VIL1: variants seen among roughly 807,000 people sequenced by gnomAD.
VIL1 encodes the protein villin 1, also known as villin-1.
VIL1 carries 86 observed loss-of-function variants against 104.0 expected under a neutral mutation model. The ratio of observed to expected loss-of-function variants is 0.83; its 90% confidence interval spans 0.69 to 0.99. The LOEUF (loss-of-function observed/expected upper bound fraction) is 0.99. Ranked by LOEUF, VIL1 falls within the 50% of genes least tolerant of loss-of-function variation. The pLI, the probability that VIL1 is intolerant of heterozygous loss-of-function variation, is 0.00. For missense variants in VIL1, 944 were observed against 1,054.1 expected (o/e 0.90, Z 1.45); for synonymous variants, 394 against 412.6 (o/e 0.95, Z 0.55).
chr2:218,429,857 C>T lies in VIL1; in HGVS notation c.858C>T (p.Tyr286=), dbSNP rs1559146925. 1 of 1,613,578 alleles carries T rather than the reference C, an allele frequency of 6.2e-7. No homozygotes were observed. Among genetic ancestry groups the T allele is most frequent in the Non-Finnish European group, 8.5e-7 (1 of 1,179,856 alleles). The change falls in exon 9 of 20, where the codon TAC becomes TAT. Residue 286 remains tyrosine, a synonymous_variant. Transcript: ENST00000248444. ...ACCTCTCCCGACTCTAGGACTGTTA[C>T]ATCCTGGACCAGGGGGGCCTGAAGA... The part of the protein sequence containing the change: ...TQDLLSHEDC[Y]ILDQGGLKIY...
chr2:218,429,798 C>T (rs781617721), intron 8 of VIL1, 51 bp from the exon 9 acceptor site: 3 of 1,592,600 alleles, frequency 1.9e-6, no homozygotes, highest in Non-Finnish European at 2.6e-6. Context: ...GTGAGGCTTT[C>T]CCAGTCCAGC....
intron 13 of VIL1, 56 bp from the exon 14 acceptor site, chr2:218,434,470 C>A (rs1463419050): frequency 1.9e-6 from 3 of 1,542,844 alleles, no homozygotes; most frequent in Non-Finnish European, 2.6e-6. Context: ...TCCCCATCAT[C>A]TTCTTTACTA....
At position 218,438,702 on chromosome 2, in the gene VIL1, T is replaced by C. The variant is rs1272571891; in HGVS notation, c.2205T>C (p.Ser735=). 2 of 1,612,506 alleles carry C rather than the reference T, an allele frequency of 1.2e-6. No individual in the cohort carries two copies. The highest frequency in any genetic ancestry group is 1.7e-5 in the Admixed American group (1 of 59,816). The part of the protein sequence containing the change: ...YEDLKAELGN[S]RDWSQITAEV... ...ACCTGAAGGCGGAGCTTGGCAACTC[T>C]AGGGACTGGAGCCAGATCACTGCTG... is the stretch of plus-strand genomic sequence containing the variant. The change falls in exon 18 of 20, where the codon TCT becomes TCC. Residue 735 remains serine, a synonymous_variant. Coordinates refer to ENST00000248444, the MANE Select transcript of VIL1 (RefSeq NM_007127.3).
intron 1 of VIL1, among the ~76,000 whole-genome samples, chr2:218,419,977 G>A (rs1416058341): frequency 6.6e-6 from 1 of 152,174 alleles, no homozygotes; most frequent in Non-Finnish European, 1.5e-5. Flanking sequence ...ATGAGCCTGG[G>A]AAGCAGGAGG....
intron 6 of VIL1, among the ~76,000 whole-genome samples, chr2:218,428,929 C>T (rs1408277703): frequency 6.6e-6 from 1 of 152,240 alleles, no homozygotes; most frequent in Non-Finnish European, 1.5e-5. Flanking sequence ...CTCGGCCTCC[C>T]AGAGTGTTGG....
chr2:218,429,537 G>A (rs1350964043), intron 7 of VIL1, 50 bp downstream of exon 7: 3 of 1,613,550 alleles, frequency 1.9e-6, no homozygotes, highest in South Asian at 1.1e-5. Flanking sequence ...CCTGGGAGAA[G>A]GTGCCCTGGC....
intron 4 of VIL1, 149 bp downstream of exon 4, chr2:218,425,960 G>A: frequency 2.4e-6 from 2 of 846,450 alleles, no homozygotes; most frequent in Non-Finnish European, 3.5e-6. Context: ...GGGCGGGGAA[G>A]GGACCCTGAA....
At position 218,436,603 on chromosome 2, in the gene VIL1, T is replaced by C. The variant is rs745454686; in HGVS notation, c.1948T>C (p.Phe650Leu). The change falls in exon 16 of 20, where the codon TTC (phenylalanine) becomes CTC (leucine). Residue 650 changes from phenylalanine to leucine, a missense_variant. Transcript: ENST00000248444. ...GGATGACTTGGAAGAGGATGATGTG[T>C]TCCTACTAGATGTCTGGGACCAGGT... is the stretch of plus-strand genomic sequence containing the variant. ...NQDDLEEDDV[F>L]LLDVWDQVFF... 1.2e-6 allele frequency: 2 copies of C among 1,614,020 alleles called. No individual in the cohort carries two copies. The highest frequency in any genetic ancestry group is 1.7e-6 in the Non-Finnish European group (2 of 1,180,002).
Position 218,423,222 on chromosome 2 carries a change from C to CA in VIL1, c.-11-546_-11-545insA, listed in dbSNP as rs1295406378. Among the ~76,000 whole-genome samples the CA allele has an allele frequency of 4.6e-5, 7 of 152,228 alleles. No individual in the cohort carries two copies. In the East Asian group the frequency reaches 1.4e-3, roughly 29 times the overall value. ...ACCAGCCTGGCCCACATGGGGAAAC[C>CA]CTGTCTCTACTAAAAATACAAAATT... On this transcript the variant is annotated intron_variant, in intron 1 of 19. Coordinates refer to ENST00000248444, the MANE Select transcript of VIL1 (RefSeq NM_007127.3).
At position 218,428,046 on chromosome 2, in the gene VIL1, G is replaced by C; in HGVS notation, c.429G>C (p.Lys143Asn). Residue 143 changes from lysine (K) to asparagine (N), a missense_variant, in exon 5 of 20, where the codon AAG becomes AAC. Coordinates refer to ENST00000248444, the MANE Select transcript of VIL1 (RefSeq NM_007127.3). ...ACGTCCAGAGGCTGCTGCATGTCAA[G>C]GGCAAGAGGAACGTGGTAGCTGGAG... ...SYDVQRLLHV[K>N]GKRNVVAGEV... The C allele has an allele frequency of 1.2e-6, 2 of 1,614,164 alleles. No homozygotes were observed. Among genetic ancestry groups the C allele is most frequent in the Non-Finnish European group, 1.7e-6 (2 of 1,180,026 alleles).
intron 19 of VIL1, among the ~76,000 whole-genome samples, chr2:218,445,891 T>C (rs911092436): frequency 6.6e-6 from 1 of 152,218 alleles, no homozygotes; most frequent in Non-Finnish European, 1.5e-5. Flanking sequence ...CTTCATCTTA[T>C]GGCTGAAGAC....
chr2:218,428,099 G>T, intron 5 of VIL1, 26 bp downstream of exon 5: 1 of 1,612,292 alleles, frequency 6.2e-7, no homozygotes, highest in Non-Finnish European at 8.5e-7. Flanking sequence ...TGGAGCATCG[G>T]CCAGGGCTGT....
In VIL1 at chr2:218,440,827, G is replaced by A; in HGVS notation, c.2335G>A (p.Glu779Lys). 1 of 1,614,154 alleles carries A rather than the reference G, an allele frequency of 6.2e-7. No homozygotes were observed. The highest frequency in any genetic ancestry group is 1.3e-5 in the African/African-American group (1 of 75,040). Residue 779 changes from glutamate (E) to lysine (K), a missense_variant, in exon 19 of 20, where the codon GAG (glutamate) becomes AAG (lysine). Glu to Lys is a moderately conservative substitution (Grantham distance 56). Coordinates refer to ENST00000248444, the MANE Select transcript of VIL1 (RefSeq NM_007127.3). ...LEQLVNKPVEELPEGVDPSRK... is the reference protein window; with the variant it reads ...LEQLVNKPVEKLPEGVDPSRK... ...GCAGCTAGTGAACAAGCCTGTAGAG[G>A]AGCTCCCCGAGGGTGTGGACCCCAG...
rs546926347 is a variant in VIL1 at position 218,444,568 on chromosome 2, G to A, written c.2370+3706G>A. Among the ~76,000 whole-genome samples, 17 of 152,320 alleles carry A rather than the reference G, an allele frequency of 1.1e-4. 1 individual carries two copies. The East Asian group carries it at 2.3e-3, about 21-fold the overall frequency. On this transcript the variant is annotated intron_variant, in intron 19 of 19. Transcript: ENST00000248444. Reference sequence around the variant, plus strand: ...GCTGGGATTACAGGCGTGAGCCACCGTGCCCGGCCGGCCTGTAGCTGATTT... The same window carrying A: ...GCTGGGATTACAGGCGTGAGCCACCATGCCCGGCCGGCCTGTAGCTGATTT...
intron 19 of VIL1, 133 bp from the exon 20 acceptor site, chr2:218,449,090 C>T: frequency 2.9e-6 from 2 of 699,774 alleles, no homozygotes; most frequent in Non-Finnish European, 5.2e-6. Flanking sequence ...GCTCTCCTGA[C>T]ACTGCTTCTG....
chr2:218,436,632 A>T lies in VIL1; in HGVS notation c.1971+6A>T. On this transcript the variant is annotated splice_donor_region_variant and intron_variant, in intron 16 of 19. Coordinates refer to ENST00000248444, the MANE Select transcript of VIL1 (RefSeq NM_007127.3). ...TACTAGATGTCTGGGACCAGGTAGG[A>T]CCAAGGGCCTGGGGACCCCTCTTCC... is the stretch of plus-strand genomic sequence containing the variant. 1 of 1,613,182 alleles carries T rather than the reference A, an allele frequency of 6.2e-7. No individual in the cohort carries two copies. Among genetic ancestry groups the T allele is most frequent in the Non-Finnish European group, 8.5e-7 (1 of 1,179,574 alleles).
chr2:218,435,553 G>A (rs1382076988), intron 15 of VIL1, 119 bp downstream of exon 15: 5 of 1,354,582 alleles, frequency 3.7e-6, no homozygotes, highest in African/African-American at 1.5e-5. Context: ...GTCAGGCACT[G>A]TGCCAGACCC....
intron 15 of VIL1, among the ~76,000 whole-genome samples, chr2:218,435,925 G>A (rs970491131): frequency 6.6e-6 from 1 of 152,118 alleles, no homozygotes; most frequent in Admixed American, 6.5e-5. Flanking sequence ...CTCTGCCTCC[G>A]CCTCCCAGGT....
intron 13 of VIL1, 60 bp from the exon 14 acceptor site, chr2:218,434,466 T>G: frequency 1.3e-6 from 2 of 1,516,340 alleles, no homozygotes; most frequent in Non-Finnish European, 9.0e-7. Context: ...CTGTTCCCCA[T>G]CATCTTCTTT....
Sources: allele counts gnomAD v4.1 joint callset (sites outside exome capture counted in the v4.1 genomes callset), GRCh38; gene constraint gnomAD v4.1.1; transcripts MANE v1.5; gene names NCBI Gene and HGNC (gene_info 2026-07-23, HGNC 2026-07-21).